SESN1: variants seen among roughly 807,000 people sequenced by gnomAD.
SESN1 encodes the protein sestrin 1.
SESN1 carries 30 observed loss-of-function variants against 59.3 expected under a neutral mutation model. The ratio of observed to expected loss-of-function variants is 0.51; its 90% CI spans 0.38 to 0.69. The LOEUF is 0.69. Among genes scored for constraint, SESN1 ranks in the 30% least tolerant of loss-of-function variants. The pLI is 0.00. For missense variants in SESN1, 566 were observed against 673.0 expected, an observed-to-expected ratio of 0.84 and a Z score of 1.76; for synonymous variants, 197 against 219.9, an observed-to-expected ratio of 0.90 and a Z score of 0.92.
intron 1 of SESN1, among the ~76,000 whole-genome samples, chr6:109,058,604 T>C (rs1780676222): frequency 6.6e-6 from 1 of 152,218 alleles, no homozygotes; most frequent in Admixed American, 6.5e-5. Flanking sequence ...TGCCAAACAT[T>C]GTAACACGTA....
At chr6:109,009,505 G>C in intron 1 of SESN1, 1 of 1,208,392 alleles carries the variant, frequency 8.3e-7, no homozygotes. Context: ...GGCGAGCGCT[G>C]GGCAGCCGGC....
At chr6:109,056,395 C>T (rs1437945424) in intron 1 of SESN1, among the ~76,000 whole-genome samples, 1 of 152,092 alleles carries the variant, frequency 6.6e-6, no homozygotes, top group Non-Finnish European at 1.5e-5. Context: ...CAGAGCAAGA[C>T]TTTGTCTTGG....
intron 8 of SESN1, 68 bp downstream of exon 8, chr6:108,990,577 G>A (rs1327273182): frequency 8.0e-6 from 11 of 1,381,556 alleles, no homozygotes; most frequent in African/African-American, 4.3e-5. Context: ...GTGCATGTGC[G>A]CTCCAAGCAC....
intron 1 of SESN1, among the ~76,000 whole-genome samples, chr6:109,056,797 C>T (rs1231543108): frequency 6.6e-6 from 1 of 152,190 alleles, no homozygotes; most frequent in South Asian, 2.1e-4. Flanking sequence ...CCTGAAGGGA[C>T]TACATCCTGT....
chr6:109,019,970 C>T (rs1431072329), intron 1 of SESN1, among the ~76,000 whole-genome samples: 1 of 152,156 alleles, frequency 6.6e-6, no homozygotes, highest in Non-Finnish European at 1.5e-5. Flanking sequence ...AAAATCTAAA[C>T]TTCAAAAGAT....
At chr6:109,080,943 T>G (rs1156675806) in intron 1 of SESN1, among the ~76,000 whole-genome samples, 1 of 152,148 alleles carries the variant, frequency 6.6e-6, no homozygotes, top group East Asian at 1.9e-4. Flanking sequence ...ACCTTCAGAT[T>G]ATGTGATAAG....
At chr6:108,989,815 G>A (rs1298825951) in intron 8 of SESN1, among the ~76,000 whole-genome samples, 1 of 152,070 alleles carries the variant, frequency 6.6e-6, no homozygotes, top group Non-Finnish European at 1.5e-5. Flanking sequence ...GCTCCACTGG[G>A]TAATGGATTT....
rs1361261634 is a variant in SESN1 at position 108,994,474 on chromosome 6, C to T, written c.1108G>A (p.Val370Ile). 6.2e-7 allele frequency: 1 copy of T among 1,611,948 alleles called. No individual in the cohort carries two copies. The highest frequency in any genetic ancestry group is 8.5e-7 in the Non-Finnish European group (1 of 1,178,968). Residue 370 changes from valine (V) to isoleucine (I), a missense_variant, in exon 6 of 10, where the codon GTC (valine) becomes ATC (isoleucine). By Grantham distance (29) the Val-to-Ile change is conservative (BLOSUM62 3). Transcript: ENST00000436639. ...FEIEKRESMF[V>I]FSSDDEEVTP... ...TGGTTGTTCTTACCTGAAGAGAAGA[C>T]AAACATACTCTCTCTTTTTTCTATT...
chr6:109,055,916 T>C (rs1246442947), intron 1 of SESN1, among the ~76,000 whole-genome samples: 3 of 152,206 alleles, frequency 2.0e-5, no homozygotes, highest in South Asian at 4.1e-4. Flanking sequence ...GCATTGGGTA[T>C]AGTTTTAGAT....
At chr6:109,044,395 C>A (rs1335003044) in intron 1 of SESN1, among the ~76,000 whole-genome samples, 1 of 146,584 alleles carries the variant, frequency 6.8e-6, no homozygotes, top group African/African-American at 2.5e-5. Flanking sequence ...GATAGTCTTT[C>A]CACCAAGTAA....
intron 1 of SESN1, among the ~76,000 whole-genome samples, chr6:109,079,816 T>G (rs1457867406): frequency 6.6e-6 from 1 of 152,214 alleles, no homozygotes; most frequent in Non-Finnish European, 1.5e-5. Context: ...ATTCTAATGA[T>G]AATTTTCCAT....
chr6:109,084,024 C>T (rs1037398917), intron 1 of SESN1, among the ~76,000 whole-genome samples: 36 of 152,166 alleles, frequency 2.4e-4, no homozygotes, highest in African/African-American at 8.0e-4. Context: ...TCTAATTACA[C>T]TTTACTGAAT....
At chr6:109,004,414 A>G (rs1460944348) in intron 1 of SESN1, among the ~76,000 whole-genome samples, 1 of 152,098 alleles carries the variant, frequency 6.6e-6, no homozygotes, top group Non-Finnish European at 1.5e-5. Context: ...ATTACTATAA[A>G]TCAATACGAA....
intron 1 of SESN1, among the ~76,000 whole-genome samples, chr6:109,063,117 T>C (rs1780759174): frequency 6.6e-6 from 1 of 152,184 alleles, no homozygotes; most frequent in African/African-American, 2.4e-5. Flanking sequence ...CACTGCCCTG[T>C]CTGAGTCCCA....
rs568295802 is a variant in SESN1, at chr6:109,056,251, T to A, written c.279+37544A>T. Among the ~76,000 whole-genome samples the A allele has an allele frequency of 3.3e-5, 5 of 152,188 alleles. No individual in the cohort carries two copies. In the South Asian group the frequency reaches 1.0e-3, roughly 32 times the overall value. ...GGGAGACCTCATCTTTACAAATAAT[T>A]TAAAAATTAGCGAGGCATGGTAGCG... On this transcript the variant is annotated intron_variant, in intron 1 of 9. Transcript: ENST00000436639.
chr6:109,093,592 T>C (rs1781382365), intron 1 of SESN1, among the ~76,000 whole-genome samples: 1 of 152,250 alleles, frequency 6.6e-6, no homozygotes, highest in Admixed American at 6.5e-5. Flanking sequence ...ACTGTAGTTT[T>C]CATATATTCT....
chr6:109,064,600 G>A (rs373164814), intron 1 of SESN1, among the ~76,000 whole-genome samples: 474 of 6,702 alleles, frequency 0.071, 3 homozygotes, highest in African/African-American at 0.18. Context: ...GAGGGGAGGG[G>A]AGGGGAGGGG....
At chr6:109,008,581 A>C (rs1206821856) in intron 1 of SESN1, among the ~76,000 whole-genome samples, 3 of 152,246 alleles carry the variant, frequency 2.0e-5, no homozygotes, top group Non-Finnish European at 4.4e-5. Flanking sequence ...AAAGCTGCAG[A>C]AAAAATAATT....
intron 1 of SESN1, among the ~76,000 whole-genome samples, chr6:109,033,168 T>C (rs1376516428): frequency 6.6e-6 from 1 of 152,106 alleles, no homozygotes; most frequent in African/African-American, 2.4e-5. Context: ...ACTTCTAGGA[T>C]AGTCTGAGTT....
Sources: gnomAD v4.1 joint callset for allele counts (sites outside exome capture counted in the v4.1 genomes callset) on GRCh38, gnomAD v4.1.1 for gene constraint, MANE v1.5 for transcripts, NCBI Gene and HGNC (gene_info 2026-07-23, HGNC 2026-07-21) for gene names.